SOX5: variants seen among roughly 807,000 people sequenced by gnomAD.
The protein encoded by SOX5 is SRY-box transcription factor 5, also known as transcription factor SOX-5.
A neutral mutation model predicts 92.0 loss-of-function variants in SOX5; 9 were observed. The observed-to-expected ratio is 0.10, with a 90% confidence interval of 0.06 to 0.17. The LOEUF (loss-of-function observed/expected upper bound fraction) is 0.17. Ranked by LOEUF, SOX5 falls within the 10% of genes least tolerant of loss-of-function variation. The pLI, the probability that SOX5 is intolerant of heterozygous loss-of-function variation, is 1.00. For synonymous variants in SOX5, 344 were observed against 336.3 expected, an observed-to-expected ratio of 1.02 and a Z score of -0.25; for missense variants, 642 against 944.5, an observed-to-expected ratio of 0.68 and a Z score of 4.20.
At chr12:24,558,039 G>A (rs983270343) in intron 1 of SOX5, among the ~76,000 whole-genome samples, 6 of 152,152 alleles carry the variant, frequency 3.9e-5, no homozygotes, top group African/African-American at 1.4e-4. Flanking sequence ...CCTCATGCAT[G>A]TAAATATTTC....
At chr12:23,891,271 A>G (rs1256514857) in intron 2 of SOX5, among the ~76,000 whole-genome samples, 1 of 152,240 alleles carries the variant, frequency 6.6e-6, no homozygotes, top group Non-Finnish European at 1.5e-5. Flanking sequence ...ACACAATTTC[A>G]GAAAGGAAGA....
chr12:23,968,275 T>C (rs1947819712), intron 4 of SOX5, among the ~76,000 whole-genome samples: 1 of 152,210 alleles, frequency 6.6e-6, no homozygotes, highest in Admixed American at 6.5e-5. Context: ...AACTACTCTA[T>C]TTGATTAACA....
chr12:23,881,551 T>G (rs952695550), intron 2 of SOX5, among the ~76,000 whole-genome samples: 3 of 152,230 alleles, frequency 2.0e-5, no homozygotes, highest in African/African-American at 7.2e-5. Context: ...CATCGGCTTT[T>G]ATATTTCAAT....
chr12:23,890,221 T>G (rs2097114531), intron 2 of SOX5, among the ~76,000 whole-genome samples: 1 of 151,488 alleles, frequency 6.6e-6, no homozygotes, highest in Non-Finnish European at 1.5e-5. Flanking sequence ...TCGCAAGCCT[T>G]AAGCCAGATA....
At chr12:24,390,369 A>G (rs1043535198) in intron 1 of SOX5, among the ~76,000 whole-genome samples, 3 of 152,178 alleles carry the variant, frequency 2.0e-5, no homozygotes, top group Non-Finnish European at 4.4e-5. Context: ...CATAAAATCA[A>G]CCAGAATATT....
intron 4 of SOX5, among the ~76,000 whole-genome samples, chr12:24,066,390 T>C (rs1940750465): frequency 6.6e-6 from 1 of 152,178 alleles, no homozygotes. Flanking sequence ...CTATGATAGC[T>C]TCCAATGAAG....
At chr12:23,752,074 C>G (rs1344354376) in intron 4 of SOX5, among the ~76,000 whole-genome samples, 5 of 144,416 alleles carry the variant, frequency 3.5e-5, no homozygotes, top group Admixed American at 6.9e-5. Context: ...GAATCCATCA[C>G]AGATTCTGAG....
At chr12:23,570,830 G>A (rs1195868984) in intron 10 of SOX5, among the ~76,000 whole-genome samples, 2 of 146,044 alleles carry the variant, frequency 1.4e-5, no homozygotes, top group Non-Finnish European at 1.5e-5. Context: ...GGAATGGCGT[G>A]AACCCAGGAG....
intron 1 of SOX5, among the ~76,000 whole-genome samples, chr12:24,439,540 A>T (rs541318088): frequency 6.6e-6 from 1 of 152,268 alleles, no homozygotes; most frequent in African/African-American, 2.4e-5. Flanking sequence ...ATCATAAACT[A>T]TGTGTATAGG....
chr12:24,363,982 T>C (rs1168595162), intron 2 of SOX5, among the ~76,000 whole-genome samples: 6 of 152,202 alleles, frequency 3.9e-5, no homozygotes, highest in Admixed American at 2.0e-4. Context: ...ATTGGATCAG[T>C]TGTCTGACAT....
intron 4 of SOX5, among the ~76,000 whole-genome samples, chr12:24,118,520 A>G (rs1254965214): frequency 6.6e-6 from 1 of 152,174 alleles, no homozygotes; most frequent in Non-Finnish European, 1.5e-5. Flanking sequence ...AAAGGTCATT[A>G]AACATCTTGA....
chr12:24,134,407 G>C (rs1404082747), intron 4 of SOX5, among the ~76,000 whole-genome samples: 2 of 152,192 alleles, frequency 1.3e-5, no homozygotes, highest in Non-Finnish European at 2.9e-5. Flanking sequence ...TCAGAAGAAA[G>C]TGGCTTAACA....
intron 4 of SOX5, among the ~76,000 whole-genome samples, chr12:24,054,527 A>G (rs1171002547): frequency 1.3e-5 from 2 of 152,286 alleles, no homozygotes; most frequent in South Asian, 4.1e-4. Context: ...GATGGTAACA[A>G]CAATAATTTT....
intron 4 of SOX5, among the ~76,000 whole-genome samples, chr12:24,065,166 G>A (rs1447932009): frequency 1.3e-5 from 2 of 152,164 alleles, no homozygotes; most frequent in Non-Finnish European, 2.9e-5. Context: ...ACAATGGGCT[G>A]GTAGAGACAT....
intron 3 of SOX5, among the ~76,000 whole-genome samples, chr12:24,231,383 A>T (rs1192110260): frequency 6.6e-6 from 1 of 152,202 alleles, no homozygotes; most frequent in African/African-American, 2.4e-5. Context: ...ATCTAATATG[A>T]ACGGTTTAGA....
chr12:23,610,724 T>C (rs2075849538), intron 8 of SOX5, among the ~76,000 whole-genome samples: 1 of 152,080 alleles, frequency 6.6e-6, no homozygotes, highest in South Asian at 2.1e-4. Context: ...TTTCATTTGC[T>C]TGAGAGGAAA....
At chr12:24,512,855 T>C (rs1949447978) in intron 1 of SOX5, among the ~76,000 whole-genome samples, 1 of 152,254 alleles carries the variant, frequency 6.6e-6, no homozygotes, top group South Asian at 2.1e-4. Context: ...TCTTTTGTGT[T>C]AACTTGATAG....
chr12:23,631,121 T>C (rs1397717306), intron 8 of SOX5, among the ~76,000 whole-genome samples: 2 of 152,010 alleles, frequency 1.3e-5, no homozygotes, highest in African/African-American at 4.8e-5. Flanking sequence ...TAATATTAAA[T>C]AGTTTTCTAG....
intron 3 of SOX5, among the ~76,000 whole-genome samples, chr12:23,835,144 T>C (rs1405222414): frequency 6.6e-6 from 1 of 151,896 alleles, no homozygotes; most frequent in African/African-American, 2.4e-5. Context: ...GGGATAGTCA[T>C]CTACCTTTAC....
Sources: gnomAD v4.1 joint callset for allele counts (sites outside exome capture counted in the v4.1 genomes callset) on GRCh38, gnomAD v4.1.1 for gene constraint, MANE v1.5 for transcripts, NCBI Gene and HGNC (gene_info 2026-07-23, HGNC 2026-07-21) for gene names.